Variants in PDE1C observed in about 807,000 individuals in gnomAD.
The protein encoded by PDE1C is phosphodiesterase 1C.
A neutral mutation model predicts 93.1 loss-of-function variants in PDE1C; 62 were observed. The observed-to-expected ratio is 0.67, with a 90% CI of 0.54 to 0.82. The LOEUF (loss-of-function observed/expected upper bound fraction) is 0.82. Ranked by LOEUF, PDE1C falls within the 40% of genes least tolerant of loss-of-function variation. The probability of loss-of-function intolerance (pLI) is 0.00; values close to 1 mark genes in which losing one functional copy is unlikely to be tolerated. For missense variants in PDE1C, 742 were observed against 884.6 expected (o/e 0.84, Z 2.04); for synonymous variants, 325 against 310.1 (o/e 1.05, Z -0.50).
intron 1 of PDE1C, among the ~76,000 whole-genome samples, chr7:32,288,451 C>T (rs913326499): frequency 6.6e-6 from 1 of 152,134 alleles, no homozygotes; most frequent in African/African-American, 2.4e-5. Context: ...AATTCTGCAC[C>T]TTTTAAACAC....
intron 2 of PDE1C, among the ~76,000 whole-genome samples, chr7:32,201,801 T>A (rs1805030943): frequency 6.6e-6 from 1 of 152,218 alleles, no homozygotes; most frequent in African/African-American, 2.4e-5. Flanking sequence ...ATTTAAATGG[T>A]CTGTCTGCAA....
At chr7:31,974,178 T>C (rs1385210166) in intron 2 of PDE1C, among the ~76,000 whole-genome samples, 1 of 152,212 alleles carries the variant, frequency 6.6e-6, no homozygotes, top group African/African-American at 2.4e-5. Flanking sequence ...ACTACTTTTA[T>C]TAAATATCAA....
intron 1 of PDE1C, among the ~76,000 whole-genome samples, chr7:32,064,140 C>A (rs955897702): frequency 6.6e-6 from 1 of 152,110 alleles, no homozygotes; most frequent in South Asian, 2.1e-4. Flanking sequence ...GGTCAATGCC[C>A]TCTTCCCTGG....
intron 15 of PDE1C, among the ~76,000 whole-genome samples, chr7:31,813,556 G>C (rs1449117517): frequency 6.6e-6 from 1 of 152,142 alleles, no homozygotes; most frequent in Non-Finnish European, 1.5e-5. Flanking sequence ...GTCCTCAGAA[G>C]GGGTAGCAAG....
intron 7 of PDE1C, among the ~76,000 whole-genome samples, chr7:31,851,613 C>A (rs2128803864): frequency 6.6e-6 from 1 of 152,342 alleles, no homozygotes; most frequent in East Asian, 1.9e-4. Context: ...CTTCTCATAT[C>A]CTTTGCTCAC....
chr7:31,916,167 G>A (rs1303918937), intron 2 of PDE1C, among the ~76,000 whole-genome samples: 6 of 151,996 alleles, frequency 3.9e-5, no homozygotes, highest in Admixed American at 6.6e-5. Context: ...CAGATTTGGG[G>A]GGGTATCATG....
At chr7:31,826,121 T>A (rs533821674) in intron 12 of PDE1C, among the ~76,000 whole-genome samples, 1 of 152,290 alleles carries the variant, frequency 6.6e-6, no homozygotes, top group Admixed American at 6.5e-5. Context: ...TGGTAATTCA[T>A]TACACAGTCA....
intron 16 of PDE1C, among the ~76,000 whole-genome samples, chr7:31,797,370 ATAT>A (rs1785433351): frequency 6.6e-6 from 1 of 151,766 alleles, no homozygotes; most frequent in South Asian, 2.1e-4. Flanking sequence ...GACCTAAGAA[ATAT>A]TATCCTTTGA....
chr7:32,047,001 A>G (rs1306450880), intron 2 of PDE1C, among the ~76,000 whole-genome samples: 2 of 149,710 alleles, frequency 1.3e-5, no homozygotes, highest in East Asian at 3.9e-4. Flanking sequence ...TTGTGCCTCT[A>G]TTTCTTAATC....
the PDE1C span, among the ~76,000 whole-genome samples, chr7:31,739,237 A>ACACACACACC: frequency 1.3e-5 from 2 of 148,416 alleles, no homozygotes; most frequent in African/African-American, 2.5e-5. Context: ...ACACACACAC[A>ACACACACACC]CCAGCTCTTC....
At chr7:32,389,150 T>C (rs545947601) in intron 1 of PDE1C, among the ~76,000 whole-genome samples, 16 of 72,062 alleles carry the variant, frequency 2.2e-4, no homozygotes, top group African/African-American at 7.9e-4. Context: ...TTTAAACTGA[T>C]AGCTGACGTG....
At chr7:32,279,926 T>C (rs1054155061) in intron 1 of PDE1C, among the ~76,000 whole-genome samples, 2 of 152,182 alleles carry the variant, frequency 1.3e-5, no homozygotes, top group Non-Finnish European at 2.9e-5. Context: ...AACTTTATGT[T>C]TATTGCAACA....
chr7:31,904,511 A>G (rs1228217224), intron 2 of PDE1C, among the ~76,000 whole-genome samples: 1 of 152,082 alleles, frequency 6.6e-6, no homozygotes, highest in East Asian at 1.9e-4. Flanking sequence ...ACTGTGTCCA[A>G]ATATTTAAAT....
At chr7:31,828,042 C>A (rs1389010001) in intron 12 of PDE1C, among the ~76,000 whole-genome samples, 1 of 152,002 alleles carries the variant, frequency 6.6e-6, no homozygotes, top group Non-Finnish European at 1.5e-5. Context: ...AAAGTTGGGG[C>A]CCCCTCTTTC....
intron 2 of PDE1C, among the ~76,000 whole-genome samples, chr7:31,887,116 C>T (rs1212313581): frequency 6.6e-6 from 1 of 152,118 alleles, no homozygotes; most frequent in Non-Finnish European, 1.5e-5. Flanking sequence ...TGTAATCAGG[C>T]TGGTCTGATA....
intron 1 of PDE1C, among the ~76,000 whole-genome samples, chr7:32,245,324 C>T (rs1474968668): frequency 6.6e-6 from 1 of 152,192 alleles, no homozygotes; most frequent in East Asian, 1.9e-4. Context: ...CCCTAAAATG[C>T]CCTCCAATCC....
chr7:31,696,814 A>C, the PDE1C span: 1 of 839,454 alleles, frequency 1.2e-6, no homozygotes, highest in East Asian at 2.8e-5. Flanking sequence ...ATAAATACTA[A>C]TGCTTCTTAT....
chr7:32,130,104 C>A (rs1381404460), intron 3 of PDE1C, among the ~76,000 whole-genome samples: 1 of 152,098 alleles, frequency 6.6e-6, no homozygotes, highest in East Asian at 1.9e-4. Context: ...CTAGATTTCC[C>A]TTTTTGGTTG....
chr7:31,992,287 T>C (rs1043299673), intron 2 of PDE1C, among the ~76,000 whole-genome samples: 2 of 152,156 alleles, frequency 1.3e-5, no homozygotes, highest in African/African-American at 4.8e-5. Context: ...GGAGTCCATA[T>C]CTAGCCAAGG....
Sources: allele counts gnomAD v4.1 joint callset (sites outside exome capture counted in the v4.1 genomes callset), GRCh38; gene constraint gnomAD v4.1.1; transcripts MANE v1.5; gene names NCBI Gene and HGNC (gene_info 2026-07-23, HGNC 2026-07-21).